The following MEF2D variants were observed in gnomAD, a reference collection of about 807,000 sequenced individuals.
MEF2D encodes the protein myocyte enhancer factor 2D.
A neutral mutation model predicts 59.3 loss-of-function variants in MEF2D; 10 were observed. The ratio of observed to expected loss-of-function variants is 0.17; its 90% CI spans 0.10 to 0.29. The LOEUF is 0.29. MEF2D is among the 10% of genes least tolerant of loss of function. The pLI is 1.00. For missense variants in MEF2D, 508 were observed against 699.4 expected, an observed-to-expected ratio of 0.73 and a Z score of 3.09; for synonymous variants, 305 against 295.0, an observed-to-expected ratio of 1.03 and a Z score of -0.35.
chr1:156,468,998 C>T lies in MEF2D; in HGVS notation c.1029G>A (p.Glu343=), dbSNP rs370458757. 1.2e-6 allele frequency: 2 copies of T among 1,603,356 alleles called. No homozygotes were observed. The highest frequency in any genetic ancestry group is 2.7e-5 in the African/African-American group (2 of 74,696). Residue 343 remains glutamate, a synonymous_variant, in exon 10 of 12, where the codon GAG becomes GAA. Transcript: ENST00000348159. The surrounding 1 kb of genome is among the most constrained non-coding windows in gnomAD (Gnocchi z 4.3). ...AACTAAAGGCTGGTAAGGAGGAGAGCTCTGCACTGGTCAACTGGTAATCTG... is the reference window on the plus strand; with the variant it reads ...AACTAAAGGCTGGTAAGGAGGAGAGTTCTGCACTGGTCAACTGGTAATCTG... The part of the protein sequence containing the change: ...YNTDYQLTSA[E]LSSLPAFSSP...
intron 9 of MEF2D, among the ~76,000 whole-genome samples, chr1:156,473,627 G>A (rs1008392918): frequency 6.6e-6 from 1 of 152,198 alleles, no homozygotes; most frequent in Non-Finnish European, 1.5e-5. Context: ...AAGGATGGCT[G>A]AGAGTATCAC....
At chr1:156,482,694 G>A in intron 2 of MEF2D, 54 bp from the exon 3 acceptor site, 2 of 1,546,694 alleles carry the variant, frequency 1.3e-6, no homozygotes, top group Non-Finnish European at 1.8e-6. Context: ...GGCCTGATTG[G>A]GAGTCCCAGC....
intron 1 of MEF2D, among the ~76,000 whole-genome samples, chr1:156,488,290 C>G (rs1395744950): frequency 6.6e-6 from 1 of 152,202 alleles, no homozygotes; most frequent in African/African-American, 2.4e-5. Context: ...GGTCCCAAGG[C>G]TCAAAGAAAC....
Position 156,469,857 on chromosome 1 carries a change from G to A in MEF2D, c.1007-837C>T, listed in dbSNP as rs184301042. Among the ~76,000 whole-genome samples the A allele has an allele frequency of 2.1e-3, 314 of 152,160 alleles. 1 individual carries two copies. Among genetic ancestry groups the A allele is most frequent in the African/African-American group, 7.1e-3 (296 of 41,520 alleles). ...GCTATGATCATGCCACTGCACTCCA[G>A]CCTGTGGGATCTTGTCTCAAAAAGA... On this transcript the variant is annotated intron_variant, in intron 9 of 11. Coordinates refer to ENST00000348159, the MANE Select transcript of MEF2D (RefSeq NM_005920.4).
chr1:156,500,312 T>G (rs963800860), intron 1 of MEF2D, among the ~76,000 whole-genome samples, 174 bp downstream of exon 1: 1 of 151,996 alleles, frequency 6.6e-6, no homozygotes, highest in African/African-American at 2.4e-5. Context: ...CCCTAGGTAA[T>G]CCCCGCCAAC....
intron 8 of MEF2D, among the ~76,000 whole-genome samples, chr1:156,475,670 G>A (rs1048936401): frequency 3.3e-5 from 5 of 152,214 alleles, no homozygotes; most frequent in African/African-American, 1.2e-4. Context: ...GTGTGCCTGC[G>A]CGTATGCACA....
chr1:156,496,955 G>T (rs1407776053), intron 1 of MEF2D, among the ~76,000 whole-genome samples: 1 of 152,150 alleles, frequency 6.6e-6, no homozygotes, highest in Non-Finnish European at 1.5e-5. Context: ...AAATAGCACC[G>T]ACCCCACCAA....
At position 156,482,659 on chromosome 1, in the gene MEF2D, G is replaced by T. The variant is rs1235589349; in HGVS notation, c.55-19C>A. On this transcript the variant is annotated intron_variant, in intron 2 of 11. Transcript: ENST00000348159. ...AAGTCACCTGCAGAGAAGGATGGGT[G>T]GGCGGCCAGATCTGGCTCAGTTAAG... is the stretch of plus-strand genomic sequence containing the variant. 1 of 1,613,606 alleles carries T rather than the reference G, an allele frequency of 6.2e-7. No homozygotes were observed. Among genetic ancestry groups the T allele is most frequent in the Non-Finnish European group, 8.5e-7 (1 of 1,179,550 alleles).
In MEF2D at chr1:156,473,764, T is replaced by C. The variant is rs150217586; in HGVS notation, c.1006+1344A>G. ...TATCCAGAGACCTTTCTCATGTCCT[T>C]AAGTGGCTCTTTACCTTCAGATCCC... On this transcript the variant is annotated intron_variant, in intron 9 of 11. Transcript: ENST00000348159. Among the ~76,000 whole-genome samples, 256 of 152,296 alleles carry C rather than the reference T, an allele frequency of 1.7e-3. 1 individual carries two copies. Among genetic ancestry groups the C allele is most frequent in the African/African-American group, 6.1e-3 (252 of 41,562 alleles).
chr1:156,477,351 T>C (rs992164131), intron 6 of MEF2D, 149 bp from the exon 7 acceptor site: 2 of 653,400 alleles, frequency 3.1e-6, no homozygotes, highest in East Asian at 2.9e-5. Flanking sequence ...TGATATTCCC[T>C]GAACACTTCA....
At chr1:156,486,663 T>A (rs1672386095) in intron 1 of MEF2D, among the ~76,000 whole-genome samples, 1 of 152,210 alleles carries the variant, frequency 6.6e-6, no homozygotes, top group Non-Finnish European at 1.5e-5. Flanking sequence ...GAAAAGTCAT[T>A]CTTGCAGTCT....
intron 6 of MEF2D, among the ~76,000 whole-genome samples, chr1:156,477,506 C>A (rs998778351): frequency 7.9e-5 from 12 of 152,172 alleles, no homozygotes; most frequent in Non-Finnish European, 1.8e-4. Flanking sequence ...TGCCTCTAGG[C>A]TCTGCGACGG....
intron 3 of MEF2D, 142 bp downstream of exon 3, chr1:156,482,295 G>T: frequency 1.2e-6 from 1 of 849,102 alleles, no homozygotes; most frequent in Non-Finnish European, 1.9e-6. Flanking sequence ...GTTTGCATGT[G>T]TGTGCGCACA....
chr1:156,476,399 G>A (rs1179901526), intron 8 of MEF2D, 95 bp downstream of exon 8: 21 of 1,416,752 alleles, frequency 1.5e-5, no homozygotes, highest in Middle Eastern at 1.8e-4. Context: ...ACGCACAGGC[G>A]AGAGGCCAAG....
At chr1:156,477,730 C>T (rs539125918) in intron 6 of MEF2D, among the ~76,000 whole-genome samples, 5 of 152,224 alleles carry the variant, frequency 3.3e-5, no homozygotes, top group South Asian at 4.1e-4. Flanking sequence ...CTCCATTTGC[C>T]GTGAGCTGGG....
chr1:156,488,152 G>A (rs1293435600), intron 1 of MEF2D, among the ~76,000 whole-genome samples: 4 of 152,248 alleles, frequency 2.6e-5, no homozygotes, highest in Non-Finnish European at 4.4e-5. Context: ...CAAGGGTGGG[G>A]CGGAGTGAAC....
chr1:156,498,113 A>AC (rs1557900172), intron 1 of MEF2D, among the ~76,000 whole-genome samples: 2 of 150,654 alleles, frequency 1.3e-5, no homozygotes, highest in African/African-American at 4.9e-5. Context: ...AAAAAAAAAA[A>AC]AAAAAAAAAA....
intron 1 of MEF2D, among the ~76,000 whole-genome samples, chr1:156,497,134 G>A (rs1318068367): frequency 6.6e-6 from 1 of 152,240 alleles, no homozygotes; most frequent in African/African-American, 2.4e-5. Flanking sequence ...ATCATGGATA[G>A]ACAGAGTGAC....
At chr1:156,497,366 T>C (rs1673190336) in intron 1 of MEF2D, among the ~76,000 whole-genome samples, 1 of 152,242 alleles carries the variant, frequency 6.6e-6, no homozygotes, top group African/African-American at 2.4e-5. Context: ...AAGAGATAGT[T>C]GCCTCAAACC....
Sources: gnomAD v4.1 joint callset for allele counts (sites outside exome capture counted in the v4.1 genomes callset) on GRCh38, gnomAD v4.1.1 for gene constraint, Gnocchi (gnomAD v3.1) non-coding constraint, MANE v1.5 for transcripts, NCBI Gene and HGNC (gene_info 2026-07-23, HGNC 2026-07-21) for gene names.